The following A2M variants were observed in gnomAD, a reference collection of about 807,000 sequenced individuals.
The protein encoded by A2M is C3 and PZP-like alpha-2-macroglobulin domain-containing protein 5.
In A2M, 128 loss-of-function variants were observed where a neutral mutation model predicts 183.9. That is an observed-to-expected ratio of 0.70 (90% confidence interval 0.60 to 0.81). A2M has a LOEUF of 0.81. Ranked by LOEUF, A2M falls within the 30% of genes least tolerant of loss-of-function variation. The probability of loss-of-function intolerance (pLI) is 0.00; values close to 1 mark genes in which losing one functional copy is unlikely to be tolerated. For missense variants in A2M, 1,495 were observed against 1,787.6 expected (o/e 0.84, Z 2.95); for synonymous variants, 592 against 670.8 (o/e 0.88, Z 1.81).
Position 9,101,745 on chromosome 12 carries a change from G to A in A2M, c.1267-71C>T, listed in dbSNP as rs181767993. The A allele has an allele frequency of 1.5e-5, 19 of 1,261,768 alleles. No individual in the cohort carries two copies. In the Admixed American group the frequency reaches 1.7e-4, roughly 11 times the overall value. 78.2% of individuals were successfully genotyped at this position (1,261,768 alleles called of 1,614,324 possible). ...AAGATTAATGTTCTCACAAAACTACGTAAGTTTACTGTCCTACCTTAACTA... is the reference window on the plus strand; with the variant it reads ...AAGATTAATGTTCTCACAAAACTACATAAGTTTACTGTCCTACCTTAACTA... On this transcript the variant is annotated intron_variant, in intron 11 of 35. Coordinates refer to ENST00000318602, the MANE Select transcript of A2M (RefSeq NM_000014.6).
intron 27 of A2M, 44 bp downstream of exon 27, chr12:9,077,302 G>A: frequency 6.5e-7 from 1 of 1,541,778 alleles, no homozygotes. Flanking sequence ...CAGTTTCATT[G>A]CATCCAGAAC....
intron 26 of A2M, 64 bp downstream of exon 26, chr12:9,077,637 T>C: frequency 1.3e-6 from 2 of 1,586,026 alleles, no homozygotes; most frequent in South Asian, 2.3e-5. Flanking sequence ...ACATTATCAC[T>C]TCCTATCCTC....
chr12:9,073,525 T>C (rs1026827714), intron 29 of A2M, among the ~76,000 whole-genome samples: 4 of 152,224 alleles, frequency 2.6e-5, no homozygotes, highest in African/African-American at 9.6e-5. Flanking sequence ...TTCTAATAAA[T>C]GAATGATAAC....
rs1463061026 is a variant in A2M at position 9,098,686 on chromosome 12, G to A, written c.1772C>T (p.Pro591Leu). Residue 591 changes from proline to leucine, a missense_variant, in exon 15 of 36, where the codon CCT becomes CTT. By Grantham distance (98) the Pro-to-Leu change is moderately conservative (BLOSUM62 -3). Transcript: ENST00000318602. ...AGCACGGAGGGCGCAGACGGACTGAGGAGCCGCTGTGACTCGCAGGTGGGC... is the reference window on the plus strand; with the variant it reads ...AGCACGGAGGGCGCAGACGGACTGAAGAGCCGCTGTGACTCGCAGGTGGGC... ...SHAHLRVTAAPQSVCALRAVD... is the reference protein window; with the variant it reads ...SHAHLRVTAALQSVCALRAVD... 7 of 1,612,142 alleles carry A rather than the reference G, an allele frequency of 4.3e-6. No homozygotes were observed. The highest frequency in any genetic ancestry group is 5.9e-6 in the Non-Finnish European group (7 of 1,179,412).
Position 9,086,712 on chromosome 12 carries a change from C to T in A2M, c.2770+2488G>A, listed in dbSNP as rs149476067. 2.8e-3 allele frequency among the ~76,000 whole-genome samples: 428 copies of T among 152,272 alleles called. 2 individuals are homozygous for T. Among genetic ancestry groups the T allele is most frequent in the African/African-American group, 9.7e-3 (404 of 41,554 alleles). The stretch of plus-strand genomic sequence containing the variant: ...AACAGTGGAAAATTGAAAGACTTTC[C>T]TTTAAGATCTGGAACAAGACAAGGA... On this transcript the variant is annotated intron_variant, in intron 22 of 35. Coordinates refer to ENST00000318602, the MANE Select transcript of A2M (RefSeq NM_000014.6).
chr12:9,090,889 C>T (rs1023546178), intron 19 of A2M, among the ~76,000 whole-genome samples: 2 of 152,080 alleles, frequency 1.3e-5, no homozygotes, highest in East Asian at 1.9e-4. Flanking sequence ...GAATGAGCTA[C>T]GAAAAGTTAA....
At chr12:9,070,344 T>C in intron 32 of A2M, 144 bp downstream of exon 32, 1 of 641,816 alleles carries the variant, frequency 1.6e-6, no homozygotes, top group Non-Finnish European at 2.8e-6. Flanking sequence ...TACAAACACA[T>C]GTGATTATAT....
rs771168435 is a variant in A2M, at chr12:9,107,422, C to T, written c.879+102G>A. On this transcript the variant is annotated intron_variant, in intron 8 of 35. Transcript: ENST00000318602. ...ATTACAATAGCCAACATGGAATTCT[C>T]TTCTAGATTGTTCTCTTCCTGCGTC... The T allele has an allele frequency of 1.9e-5, 26 of 1,396,976 alleles. No homozygotes were observed. The East Asian group carries it at 6.1e-4, about 33-fold the overall frequency. The allele number at this position is 1,396,976 out of a possible 1,614,324, so 86.5% of individuals were successfully genotyped here.
Position 9,067,798 on chromosome 12 carries a change from A to G in A2M, c.*25T>C, listed in dbSNP as rs1948439192. 2 of 1,611,966 alleles carry G rather than the reference A, an allele frequency of 1.2e-6. No homozygotes were observed. The highest frequency in any genetic ancestry group is 2.2e-5 in the East Asian group (1 of 44,880). On this transcript the variant is annotated 3_prime_UTR_variant, in exon 36 of 36. Transcript: ENST00000318602. Reference sequence around the variant, plus strand: ...GGAGCTCTGAGAACAGGACTCCAGCAAAGCACTTTTCAGCCTTGTGGTCTT... The same window carrying G: ...GGAGCTCTGAGAACAGGACTCCAGCGAAGCACTTTTCAGCCTTGTGGTCTT...
intron 10 of A2M, among the ~76,000 whole-genome samples, chr12:9,104,662 G>C (rs1315666890): frequency 6.6e-6 from 1 of 152,122 alleles, no homozygotes; most frequent in African/African-American, 2.4e-5. Flanking sequence ...CAGTGTGAAG[G>C]GATAGAGAGT....
At chr12:9,090,084 C>A in intron 20 of A2M, 61 bp from the exon 21 acceptor site, 3 of 1,552,934 alleles carry the variant, frequency 1.9e-6, no homozygotes, top group Non-Finnish European at 1.7e-6. Flanking sequence ...CCTCCAAACT[C>A]AAGATTTAGA....
At chr12:9,080,434 A>G in intron 22 of A2M, 1 of 262,206 alleles carries the variant, frequency 3.8e-6, no homozygotes, top group Non-Finnish European at 7.2e-6. Context: ...ACAAATTGTA[A>G]GAGCCTGGTG....
At chr12:9,104,205 C>T in intron 11 of A2M, 34 bp downstream of exon 11, 1 of 1,596,206 alleles carries the variant, frequency 6.3e-7, no homozygotes, top group South Asian at 1.2e-5. Flanking sequence ...TCCAAGGCTA[C>T]TTCATGTCAT....
Position 9,080,089 on chromosome 12 carries a change from C to G in A2M, c.2854+5G>C. 6.3e-7 allele frequency: 1 copy of G among 1,575,838 alleles called. No individual in the cohort carries two copies. The highest frequency in any genetic ancestry group is 1.2e-5 in the South Asian group (1 of 85,354). ...GCCCGGATCCACTAGGGGCTGGAGA[C>G]TCACCCAAAACTGAGACAGAAGCTC... On this transcript the variant is annotated splice_donor_5th_base_variant and intron_variant, in intron 23 of 35. Transcript: ENST00000318602.
chr12:9,087,296 T>A (rs1455533912), intron 22 of A2M, among the ~76,000 whole-genome samples: 2 of 152,180 alleles, frequency 1.3e-5, no homozygotes, highest in Non-Finnish European at 2.9e-5. Context: ...TAAAGAAAAT[T>A]TGGTATATAC....
intron 1 of A2M, 54 bp downstream of exon 1, chr12:9,115,710 G>T: frequency 7.5e-7 from 1 of 1,336,204 alleles, no homozygotes; most frequent in South Asian, 1.2e-5. Context: ...AGAAAAATCT[G>T]CAATAAATGA....
At chr12:9,094,923 A>C in intron 17 of A2M, 50 bp downstream of exon 17, 1 of 1,035,852 alleles carries the variant, frequency 9.7e-7, no homozygotes, top group African/African-American at 1.6e-5. Flanking sequence ...AAAAAATTTA[A>C]AATTTGGTGA....
At chr12:9,091,135 C>G in intron 19 of A2M, 66 bp downstream of exon 19, 2 of 1,549,142 alleles carry the variant, frequency 1.3e-6, no homozygotes, top group South Asian at 2.3e-5. Context: ...TGCAGTATTC[C>G]TAGGAATGCA....
rs956288566 is a variant in A2M at position 9,112,197 on chromosome 12, C to T, written c.445G>A (p.Val149Ile). ...KPGQTVKFRVVSMDENFHPLN... is the reference protein window; with the variant it reads ...KPGQTVKFRVISMDENFHPLN... ...GGGTGAAAGTTTTCATCCATGGAGA[C>T]AACACGAAATTTCACTGAAACAGAA... The change falls in exon 4 of 36, where the codon GTC becomes ATC. Residue 149 changes from valine (V) to isoleucine (I), a missense_variant. Val to Ile is a conservative substitution (Grantham distance 29). Transcript: ENST00000318602. The T allele has an allele frequency of 1.9e-6, 3 of 1,613,676 alleles. No homozygotes were observed. The highest frequency in any genetic ancestry group is 3.3e-5 in the Admixed American group (2 of 59,986).
Sources: allele counts gnomAD v4.1 joint callset (sites outside exome capture counted in the v4.1 genomes callset), GRCh38; gene constraint gnomAD v4.1.1; transcripts MANE v1.5; gene names NCBI Gene and HGNC (gene_info 2026-07-23, HGNC 2026-07-21).